The following FRMD4A variants were observed in gnomAD, a reference collection of about 807,000 sequenced individuals.
FRMD4A encodes FERM domain-containing protein 4A.
FRMD4A carries 29 observed loss-of-function variants against 129.1 expected under a neutral mutation model. That is an observed-to-expected ratio of 0.22 (90% CI 0.17 to 0.31). The LOEUF is 0.31. Among genes scored for constraint, FRMD4A ranks in the 10% least tolerant of loss-of-function variants. FRMD4A has a pLI of 1.00. For missense variants in FRMD4A, 1,272 were observed against 1,375.8 expected (o/e 0.92, Z 1.19); for synonymous variants, 634 against 571.6 (o/e 1.11, Z -1.56).
chr10:13,915,096 TAAC>T (rs1357643889), intron 2 of FRMD4A, among the ~76,000 whole-genome samples: 1 of 152,194 alleles, frequency 6.6e-6, no homozygotes, highest in Non-Finnish European at 1.5e-5. Flanking sequence ...ACCGACATAT[TAAC>T]AACATTATAG....
At chr10:13,683,605 CA>C (rs981294410) in intron 15 of FRMD4A, among the ~76,000 whole-genome samples, 1 of 150,182 alleles carries the variant, frequency 6.7e-6, no homozygotes, top group East Asian at 2.0e-4. Context: ...TCTAAACAGA[CA>C]AAAAAAAGAA....
intron 2 of FRMD4A, 110 bp from the exon 3 acceptor site, chr10:13,859,022 T>G: frequency 4.0e-6 from 3 of 747,710 alleles, no homozygotes; most frequent in Non-Finnish European, 7.4e-6. Flanking sequence ...CAAAACTTCC[T>G]CTGGGAGTCG....
intron 4 of FRMD4A, among the ~76,000 whole-genome samples, chr10:13,796,822 GC>G (rs1213168189): frequency 6.6e-6 from 1 of 152,128 alleles, no homozygotes; most frequent in Non-Finnish European, 1.5e-5. Context: ...CTGGGTTTAA[GC>G]GATTCCCTGC....
At chr10:13,654,229 AGG>A (rs1337258816) in intron 23 of FRMD4A, 185 bp downstream of exon 23, 2 of 616,726 alleles carry the variant, frequency 3.2e-6, no homozygotes, top group Admixed American at 2.7e-5. Context: ...ACCTCTATAA[AGG>A]CACAGCCAGG....
intron 2 of FRMD4A, among the ~76,000 whole-genome samples, chr10:13,894,521 C>A (rs943239660): frequency 1.3e-5 from 2 of 152,214 alleles, no homozygotes; most frequent in African/African-American, 4.8e-5. Flanking sequence ...GTAGCCCAGG[C>A]TGGAGAAAGA....
chr10:13,674,577 T>A (rs1471252930), intron 16 of FRMD4A, among the ~76,000 whole-genome samples: 1 of 152,228 alleles, frequency 6.6e-6, no homozygotes, highest in Non-Finnish European at 1.5e-5. Flanking sequence ...TTCCAACCCT[T>A]TAAGCATATT....
chr10:13,948,501 G>A (rs546406711), intron 2 of FRMD4A, among the ~76,000 whole-genome samples: 1 of 152,120 alleles, frequency 6.6e-6, no homozygotes, highest in Non-Finnish European at 1.5e-5. Context: ...ATGGATAAAC[G>A]GAATGAAGGT....
chr10:14,028,831 T>C (rs1452909651), intron 2 of FRMD4A, among the ~76,000 whole-genome samples: 1 of 152,122 alleles, frequency 6.6e-6, no homozygotes, highest in East Asian at 1.9e-4. Context: ...GATCCTAGGG[T>C]TGAGCCCAGG....
chr10:13,670,285 G>T, intron 17 of FRMD4A, 121 bp downstream of exon 17: 1 of 974,344 alleles, frequency 1.0e-6, no homozygotes, highest in Non-Finnish European at 1.6e-6. Context: ...GAAAAGGTAT[G>T]AGCGAAAATA....
chr10:14,153,431 C>CT lies in FRMD4A; in HGVS notation c.45+176626dup, dbSNP rs137917841. Among the ~76,000 whole-genome samples, 1,304 of 152,294 alleles carry CT rather than the reference C, an allele frequency of 8.6e-3. 16 individuals are homozygous for CT. The highest frequency in any genetic ancestry group is 0.03 in the African/African-American group (1,231 of 41,550). On this transcript the variant is annotated intron_variant, in intron 2 of 24. Transcript: ENST00000357447. ...AGACATTATTAATCAATATTTCATT[C>CT]TTTTCTGACTACACATGCACAGATG...
chr10:14,260,405 C>T (rs1001078014), intron 2 of FRMD4A, among the ~76,000 whole-genome samples: 1 of 152,172 alleles, frequency 6.6e-6, no homozygotes, highest in African/African-American at 2.4e-5. Flanking sequence ...GTCAACAGGT[C>T]AAGCCACAGA....
chr10:14,162,071 GTCA>G (rs981451398), intron 2 of FRMD4A, among the ~76,000 whole-genome samples: 1 of 151,104 alleles, frequency 6.6e-6, no homozygotes, highest in Non-Finnish European at 1.5e-5. Context: ...ATATTTTCAT[GTCA>G]TCATGTAATA....
intron 2 of FRMD4A, chr10:13,891,746 C>T (rs952471799): frequency 2.0e-6 from 2 of 983,728 alleles, no homozygotes; most frequent in African/African-American, 3.5e-5. Flanking sequence ...CCTTGGCGCC[C>T]GCAGCTGGCG....
chr10:13,840,305 G>A lies in FRMD4A; in HGVS notation c.111+18542C>T, dbSNP rs563114071. ...CTCCAGTATACAGGAAAGGTCAAGT[G>A]AGGACACAGGGAGAAGGCGGATGTC... is the stretch of plus-strand genomic sequence containing the variant. On this transcript the variant is annotated intron_variant, in intron 3 of 24. Coordinates refer to ENST00000357447, the MANE Select transcript of FRMD4A (RefSeq NM_018027.5). 3.3e-4 allele frequency among the ~76,000 whole-genome samples: 50 copies of A among 152,292 alleles called. 2 individuals carry two copies. Among genetic ancestry groups the A allele is most frequent in the Admixed American group, 2.8e-3 (43 of 15,302 alleles).
At chr10:14,107,574 G>A (rs1406832080) in intron 2 of FRMD4A, among the ~76,000 whole-genome samples, 1 of 152,092 alleles carries the variant, frequency 6.6e-6, no homozygotes, top group South Asian at 2.1e-4. Flanking sequence ...CATTCACTTT[G>A]CTGCATCATT....
intron 2 of FRMD4A, among the ~76,000 whole-genome samples, chr10:14,064,422 A>T (rs551806891): frequency 6.6e-6 from 1 of 152,224 alleles, no homozygotes; most frequent in South Asian, 2.1e-4. Flanking sequence ...CTTCCACTCC[A>T]CATTGCCGTG....
chr10:14,242,072 C>G (rs548854371), intron 2 of FRMD4A, among the ~76,000 whole-genome samples: 1 of 152,148 alleles, frequency 6.6e-6, no homozygotes, highest in African/African-American at 2.4e-5. Flanking sequence ...ACTCACTACT[C>G]GAGGTACTTG....
At chr10:13,706,128 T>C (rs774831356) in intron 13 of FRMD4A, among the ~76,000 whole-genome samples, 36 of 152,214 alleles carry the variant, frequency 2.4e-4, no homozygotes, top group Admixed American at 2.2e-3. Flanking sequence ...AGCCCAGGGC[T>C]GGAGCGTCAA....
intron 2 of FRMD4A, among the ~76,000 whole-genome samples, chr10:13,981,734 G>C (rs570483979): frequency 6.9e-5 from 8 of 116,240 alleles, no homozygotes; most frequent in Non-Finnish European, 1.2e-4. Context: ...GCAAGACTCC[G>C]TGTCAAAAAA....
Sources: allele counts gnomAD v4.1 joint callset (sites outside exome capture counted in the v4.1 genomes callset), GRCh38; gene constraint gnomAD v4.1.1; transcripts MANE v1.5; gene names NCBI Gene and HGNC (gene_info 2026-07-23, HGNC 2026-07-21).